The following EVC2 variants were observed in gnomAD, a reference collection of about 807,000 sequenced individuals.
EVC2 encodes EvC ciliary complex subunit 2.
In EVC2, 148 loss-of-function variants were observed where a neutral mutation model predicts 149.3. The ratio of observed to expected loss-of-function variants is 0.99; its 90% CI spans 0.87 to 1.14. The LOEUF (loss-of-function observed/expected upper bound fraction) is 1.14, where lower values mean the gene tolerates loss of function less well. EVC2 is among the 50% of genes most tolerant of loss of function. EVC2 has a pLI of 0.00. For synonymous variants in EVC2, 776 were observed against 649.9 expected (o/e 1.19, Z -2.95); for missense variants, 1,854 against 1,627.3 (o/e 1.14, Z -2.40).
chr4:5,610,978 C>G (rs1327716433), intron 16 of EVC2, among the ~76,000 whole-genome samples: 3 of 152,024 alleles, frequency 2.0e-5, no homozygotes, highest in African/African-American at 7.3e-5. Context: ...CACACAGCCC[C>G]CAGTGATGCT....
At position 5,663,159 on chromosome 4, in the gene EVC2, T is replaced by C. The variant is rs887880432; in HGVS notation, c.1093A>G (p.Ile365Val). ...GGGTCCTCGGAAGACAGAATGTCTA[T>C]CATTTGGTCGTTAAGGGAAAGGTCC... ...NEDLSLNDQM[I>V]DILSSEDPGS... Residue 365 changes from isoleucine (I) to valine (V), a missense_variant, in exon 9 of 22, where the codon ATA (isoleucine) becomes GTA (valine). Physicochemically the swap from Ile to Val is conservative, Grantham distance 29. Coordinates refer to ENST00000344408, the MANE Select transcript of EVC2 (RefSeq NM_147127.5). 2 of 1,614,072 alleles carry C rather than the reference T, an allele frequency of 1.2e-6. No individual in the cohort carries two copies. Among genetic ancestry groups the C allele is most frequent in the East Asian group, 2.2e-5 (1 of 44,902 alleles).
intron 14 of EVC2, among the ~76,000 whole-genome samples, chr4:5,620,444 A>T (rs906165641): frequency 1.3e-5 from 2 of 152,212 alleles, no homozygotes; most frequent in African/African-American, 4.8e-5. Flanking sequence ...AGGCTCAAAG[A>T]CACACTTTCT....
chr4:5,577,085 T>A (rs1484673303), intron 17 of EVC2, among the ~76,000 whole-genome samples: 2 of 152,210 alleles, frequency 1.3e-5, no homozygotes, highest in African/African-American at 4.8e-5. Flanking sequence ...CATACGTGAA[T>A]CTCACTGAAC....
intron 16 of EVC2, among the ~76,000 whole-genome samples, chr4:5,607,905 G>C (rs1714520571): frequency 6.6e-6 from 1 of 151,940 alleles, no homozygotes; most frequent in Non-Finnish European, 1.5e-5. Flanking sequence ...GGAGAACAGA[G>C]AAGGGCAAGG....
intron 17 of EVC2, among the ~76,000 whole-genome samples, chr4:5,577,419 A>T (rs113246195): frequency 6.3e-4 from 96 of 152,306 alleles, no homozygotes; most frequent in African/African-American, 1.9e-3. Context: ...AGGCACATTT[A>T]ACCCAGTATT....
At chr4:5,645,191 A>G (rs1022858158) in intron 9 of EVC2, among the ~76,000 whole-genome samples, 4 of 151,860 alleles carry the variant, frequency 2.6e-5, no homozygotes, top group African/African-American at 4.8e-5. Flanking sequence ...TGGTGCCAAC[A>G]TGATCCCTGC....
Position 5,703,678 on chromosome 4 carries a change from G to A in EVC2, c.228+4608C>T, listed in dbSNP as rs1048954078. Among the ~76,000 whole-genome samples the A allele has an allele frequency of 4.6e-5, 7 of 152,180 alleles. No individual in the cohort carries two copies. The South Asian group carries it at 8.3e-4, about 18-fold the overall frequency. On this transcript the variant is annotated intron_variant, in intron 1 of 21. Coordinates refer to ENST00000344408, the MANE Select transcript of EVC2 (RefSeq NM_147127.5). Reference sequence around the variant, plus strand: ...TGTGCTATTTTGAAAATGAGGATACGTTGACAAACGAGACATCAAAAGTTC... The same window carrying A: ...TGTGCTATTTTGAAAATGAGGATACATTGACAAACGAGACATCAAAAGTTC...
intron 17 of EVC2, among the ~76,000 whole-genome samples, chr4:5,579,271 G>C (rs1711543644): frequency 6.6e-6 from 1 of 152,168 alleles, no homozygotes; most frequent in Non-Finnish European, 1.5e-5. Context: ...TGGGACCTTG[G>C]TGAAATGATT....
At chr4:5,621,651 G>A (rs1715697729) in intron 14 of EVC2, among the ~76,000 whole-genome samples, 1 of 152,206 alleles carries the variant, frequency 6.6e-6, no homozygotes, top group African/African-American at 2.4e-5. Flanking sequence ...GCTGGCAAAT[G>A]TTTCAGGGAA....
chr4:5,643,158 T>G (rs1210760027), intron 9 of EVC2, among the ~76,000 whole-genome samples: 1 of 152,182 alleles, frequency 6.6e-6, no homozygotes, highest in African/African-American at 2.4e-5. Context: ...CTGACTATTT[T>G]CAGTTAAAGA....
At chr4:5,644,284 T>C (rs527840769) in intron 9 of EVC2, among the ~76,000 whole-genome samples, 47 of 152,270 alleles carry the variant, frequency 3.1e-4, no homozygotes, top group Non-Finnish European at 5.4e-4. Flanking sequence ...AAAATATACA[T>C]ATATAATTTA....
chr4:5,654,906 C>T (rs1466918049), intron 9 of EVC2, among the ~76,000 whole-genome samples: 1 of 152,186 alleles, frequency 6.6e-6, no homozygotes, highest in Non-Finnish European at 1.5e-5. Context: ...GTACCCTGCA[C>T]CATGCTTCTC....
At chr4:5,681,165 C>G (rs1560220054) in intron 7 of EVC2, 95 bp downstream of exon 7, 1 of 1,422,514 alleles carries the variant, frequency 7.0e-7, no homozygotes, top group East Asian at 2.3e-5. Flanking sequence ...GGACCAAGGC[C>G]AGCAGCTGGC....
rs2151728853 is a variant in EVC2, at chr4:5,686,107, C to CAA, written c.707-629_707-628insTT. The stretch of plus-strand genomic sequence containing the variant: ...CACACATATATATTACACACACACA[C>CAA]ACACACACACACACACACACAGAGT... On this transcript the variant is annotated intron_variant, in intron 5 of 21. Transcript: ENST00000344408. The surrounding 1 kb of genome is among the most constrained non-coding windows in gnomAD (Gnocchi z 5.4). Among the ~76,000 whole-genome samples the CAA allele has an allele frequency of 1.3e-5, 1 of 79,016 alleles. No homozygotes were observed. Among genetic ancestry groups the CAA allele is most frequent in the African/African-American group, 7.1e-5 (1 of 14,044 alleles). The allele number at this position is 79,016 out of a possible 152,430, so 51.8% of individuals were successfully genotyped here.
intron 9 of EVC2, among the ~76,000 whole-genome samples, chr4:5,643,674 A>C (rs1717501109): frequency 6.6e-6 from 1 of 152,180 alleles, no homozygotes; most frequent in South Asian, 2.1e-4. Context: ...TAATCCCAGC[A>C]CTTTGGGAGG....
At chr4:5,553,109 T>C (rs1721772251) in intron 21 of EVC2, among the ~76,000 whole-genome samples, 1 of 152,172 alleles carries the variant, frequency 6.6e-6, no homozygotes, top group Non-Finnish European at 1.5e-5. Context: ...TAGCTCATGG[T>C]TCCACAGGCT....
upstream of EVC2, chr4:5,709,303 G>C (rs1160238132): frequency 6.6e-6 from 1 of 152,314 alleles, no homozygotes; most frequent in Non-Finnish European, 1.5e-5. Context: ...GGGACTGGTG[G>C]AGCCTTTTGT....
At chr4:5,680,763 C>T (rs1460896274) in intron 7 of EVC2, among the ~76,000 whole-genome samples, 1 of 152,170 alleles carries the variant, frequency 6.6e-6, no homozygotes, top group Non-Finnish European at 1.5e-5. Context: ...TTTTAAGAAA[C>T]GTGAAGTGTT....
rs992818158 is a variant in EVC2, at chr4:5,613,591, A to G, written c.2829+1831T>C. ...CTTACCTCTCTCGCTTCTCTTTGGG[A>G]CCCCAACTTCTGCTCTGCTTCCCTA... On this transcript the variant is annotated intron_variant, in intron 16 of 21. Transcript: ENST00000344408. This position sits in a 1 kb window ranked among gnomAD's most constrained non-coding sequence, Gnocchi z 4.6. Among the ~76,000 whole-genome samples the G allele has an allele frequency of 2.0e-5, 3 of 151,708 alleles. No individual in the cohort carries two copies. The highest frequency in any genetic ancestry group is 4.4e-5 in the Non-Finnish European group (3 of 67,934).
Sources: gnomAD v4.1 joint callset for allele counts (sites outside exome capture counted in the v4.1 genomes callset) on GRCh38, gnomAD v4.1.1 for gene constraint, Gnocchi (gnomAD v3.1) non-coding constraint, MANE v1.5 for transcripts, NCBI Gene and HGNC (gene_info 2026-07-23, HGNC 2026-07-21) for gene names.